The following ERC2 variants were observed in gnomAD, a reference collection of about 807,000 sequenced individuals.
ERC2 encodes the protein ERC protein 2.
Under a neutral mutation model 114.8 loss-of-function variants are expected in ERC2, and 42 were observed. That is an observed-to-expected ratio of 0.37 (90% CI 0.29 to 0.47). ERC2 has a LOEUF of 0.47. Ranked by LOEUF, ERC2 falls within the 20% of genes least tolerant of loss-of-function variation. ERC2 has a pLI of 0.99. For missense variants in ERC2, 939 were observed against 1,150.7 expected (o/e 0.82, Z 2.66); for synonymous variants, 454 against 425.5 (o/e 1.07, Z -0.82).
chr3:56,067,391 T>C (rs573760638), intron 7 of ERC2, among the ~76,000 whole-genome samples: 1 of 152,190 alleles, frequency 6.6e-6, no homozygotes, highest in Non-Finnish European at 1.5e-5. Flanking sequence ...ATTTTGCACA[T>C]TGATTTTGTA....
intron 3 of ERC2, among the ~76,000 whole-genome samples, chr3:56,292,217 C>A (rs973698202): frequency 2.0e-5 from 3 of 152,000 alleles, no homozygotes; most frequent in Admixed American, 2.0e-4. Flanking sequence ...AACCCTTTTT[C>A]TCTCATAACA....
chr3:56,288,475 C>G (rs1216077734), intron 3 of ERC2, among the ~76,000 whole-genome samples: 1 of 152,134 alleles, frequency 6.6e-6, no homozygotes, highest in Non-Finnish European at 1.5e-5. Context: ...TAATGGCTTT[C>G]TGGGGCTCCA....
chr3:56,442,954 G>A (rs940314070), intron 1 of ERC2, among the ~76,000 whole-genome samples: 1 of 152,152 alleles, frequency 6.6e-6, no homozygotes, highest in African/African-American at 2.4e-5. Flanking sequence ...CAGGATTTGA[G>A]AGGAAGGTGA....
At chr3:56,055,926 G>A (rs534862603) in intron 7 of ERC2, among the ~76,000 whole-genome samples, 105 of 152,290 alleles carry the variant, frequency 6.9e-4, no homozygotes, top group African/African-American at 2.5e-3. Context: ...GAATTTGATA[G>A]GAGTGTGGAA....
At chr3:55,956,689 C>A (rs995234125) in intron 12 of ERC2, among the ~76,000 whole-genome samples, 3 of 152,138 alleles carry the variant, frequency 2.0e-5, no homozygotes, top group African/African-American at 7.2e-5. Flanking sequence ...CCAGGATAAG[C>A]CAGATCTCAT....
At chr3:56,089,028 T>C (rs2077649996) in intron 6 of ERC2, among the ~76,000 whole-genome samples, 1 of 152,190 alleles carries the variant, frequency 6.6e-6, no homozygotes, top group South Asian at 2.1e-4. Flanking sequence ...TACTGAGGCG[T>C]TATATTGTTT....
intron 17 of ERC2, among the ~76,000 whole-genome samples, chr3:55,593,503 T>A (rs2107613805): frequency 1.3e-5 from 2 of 152,338 alleles, no homozygotes; most frequent in East Asian, 3.9e-4. Context: ...GTACTTCTTG[T>A]TAAACTCTCT....
intron 12 of ERC2, among the ~76,000 whole-genome samples, chr3:55,977,787 A>G (rs1029382514): frequency 6.6e-6 from 1 of 152,234 alleles, no homozygotes; most frequent in Non-Finnish European, 1.5e-5. Context: ...TAATTATAGC[A>G]GACTGCATGA....
At chr3:55,665,863 T>C (rs2061338319) in intron 17 of ERC2, among the ~76,000 whole-genome samples, 1 of 152,162 alleles carries the variant, frequency 6.6e-6, no homozygotes, top group South Asian at 2.1e-4. Flanking sequence ...AGGTAGGCAC[T>C]AGAAATGAGG....
At chr3:56,317,745 C>A (rs1208689847) in intron 2 of ERC2, among the ~76,000 whole-genome samples, 2 of 152,004 alleles carry the variant, frequency 1.3e-5, no homozygotes, top group Non-Finnish European at 2.9e-5. Flanking sequence ...AGGAGGTAAC[C>A]AAGAAATAAA....
chr3:55,675,627 A>G (rs2061750267), intron 17 of ERC2, among the ~76,000 whole-genome samples: 1 of 152,154 alleles, frequency 6.6e-6, no homozygotes, highest in African/African-American at 2.4e-5. Context: ...ATTCTGACTC[A>G]GAGCATTACG....
chr3:56,339,791 G>A (rs1426967952), intron 2 of ERC2, among the ~76,000 whole-genome samples: 1 of 151,916 alleles, frequency 6.6e-6, no homozygotes, highest in African/African-American at 2.4e-5. Context: ...TAAACAATAG[G>A]GACAACACCA....
intron 17 of ERC2, among the ~76,000 whole-genome samples, chr3:55,595,626 C>T (rs1193650166): frequency 1.3e-5 from 2 of 152,210 alleles, no homozygotes; most frequent in Admixed American, 6.5e-5. Context: ...CCGGACATTC[C>T]TCAGAGCCAG....
intron 14 of ERC2, among the ~76,000 whole-genome samples, chr3:55,870,590 G>A (rs984960168): frequency 1.3e-5 from 2 of 152,002 alleles, no homozygotes; most frequent in African/African-American, 4.8e-5. Flanking sequence ...GCAGGTGTAG[G>A]GCCAAGATTC....
chr3:56,206,198 C>CAT (rs374902636), intron 3 of ERC2, among the ~76,000 whole-genome samples: 1 of 44,958 alleles, frequency 2.2e-5, no homozygotes, highest in Non-Finnish European at 4.5e-5. Context: ...CACACACACA[C>CAT]ACATACACAC....
chr3:55,642,260 C>A (rs2060215455), intron 17 of ERC2, among the ~76,000 whole-genome samples: 1 of 152,130 alleles, frequency 6.6e-6, no homozygotes, highest in African/African-American at 2.4e-5. Flanking sequence ...TAAGTTCAGT[C>A]TCTCTGCACA....
chr3:55,931,761 AAAAG>A (rs1559889660), intron 13 of ERC2, among the ~76,000 whole-genome samples: 4 of 152,278 alleles, frequency 2.6e-5, no homozygotes, highest in Admixed American at 1.3e-4. Context: ...TTTAAAAAAA[AAAAG>A]AAAGGAGGAA....
chr3:55,697,483 T>G (rs1355425669), intron 16 of ERC2, among the ~76,000 whole-genome samples: 2 of 152,194 alleles, frequency 1.3e-5, no homozygotes, highest in Non-Finnish European at 2.9e-5. Context: ...CTAGTGTCAG[T>G]GGACAAACAT....
In ERC2 at chr3:56,003,041, G is replaced by A. The variant is rs542747495; in HGVS notation, c.2061+4140C>T. On this transcript the variant is annotated intron_variant, in intron 10 of 17. Coordinates refer to ENST00000288221, the MANE Select transcript of ERC2 (RefSeq NM_015576.3). ...CCCAGTATGGCACACCGTGACTGGT[G>A]ATCAATGGATCCTCATGCTTTGATA... 5.7e-4 allele frequency: 688 copies of A among 1,215,688 alleles called. 5 individuals carry two copies. The highest frequency in any genetic ancestry group is 2.2e-3 in the South Asian group (177 of 79,514). The allele number at this position is 1,215,688 out of a possible 1,614,324, so 75.3% of individuals were successfully genotyped here. A position where few individuals can be genotyped will look rare whatever the true frequency, so the allele number is the denominator to read the frequency against.
Sources: allele counts gnomAD v4.1 joint callset (sites outside exome capture counted in the v4.1 genomes callset), GRCh38; gene constraint gnomAD v4.1.1; transcripts MANE v1.5; gene names NCBI Gene and HGNC (gene_info 2026-07-23, HGNC 2026-07-21).